Variants in FASN observed in about 807,000 individuals in gnomAD.
FASN encodes 3-hydroxyacyl-[acyl-carrier-protein] dehydratase.
Under a neutral mutation model 250.0 loss-of-function variants are expected in FASN, and 50 were observed. That is an observed-to-expected ratio of 0.20 (90% confidence interval 0.16 to 0.25). The LOEUF (loss-of-function observed/expected upper bound fraction) is 0.25, where lower values mean the gene tolerates loss of function less well. Ranked by LOEUF, FASN falls within the 10% of genes least tolerant of loss-of-function variation. The pLI is 1.00. For synonymous variants in FASN, 1,909 were observed against 1,584.0 expected (o/e 1.21, Z -4.87); for missense variants, 3,031 against 3,498.5 (o/e 0.87, Z 3.37).
Position 82,094,021 on chromosome 17 carries a change from G to A in FASN, c.281-250C>T, listed in dbSNP as rs904138248. On this transcript the variant is annotated intron_variant, in intron 3 of 42. Transcript: ENST00000306749. The stretch of plus-strand genomic sequence containing the variant: ...ACAGGAACCAGGTCACAGAGGGAAC[G>A]AGGCGGAGGGGGCAGGCGGGCCCAG... 60 of 579,988 alleles carry A rather than the reference G, an allele frequency of 1.0e-4. No individual in the cohort carries two copies. In the East Asian group the frequency reaches 1.5e-3, roughly 15 times the overall value. The allele number at this position is 579,988 out of a possible 1,614,324, so 35.9% of individuals were successfully genotyped here. A position where few individuals can be genotyped will look rare whatever the true frequency, so the allele number is the denominator to read the frequency against.
rs764668630 is a variant in FASN at position 82,081,577 on chromosome 17, G to A, written c.6406+24C>T. On this transcript the variant is annotated intron_variant, in intron 37 of 42. Transcript: ENST00000306749. ...GATGCCAGCAGGGGAAACACCTGGC[G>A]CGGCTCCTACTGGGAGTGCTCACCC... 26 of 1,610,908 alleles carry A rather than the reference G, an allele frequency of 1.6e-5. No homozygotes were observed. The Admixed American group carries it at 3.2e-4, about 20-fold the overall frequency.
In FASN at chr17:82,081,144, G is replaced by T; in HGVS notation, c.6595+20C>A. 6.4e-6 allele frequency: 10 copies of T among 1,563,862 alleles called. No individual in the cohort carries two copies. Among genetic ancestry groups the T allele is most frequent in the Non-Finnish European group, 8.6e-6 (10 of 1,156,350 alleles). The stretch of plus-strand genomic sequence containing the variant: ...GGGGAGGCCCGGGGACCCCACTCCC[G>T]CCTGGCCACCCACACGCACCGCTGG... On this transcript the variant is annotated intron_variant, in intron 38 of 42. Coordinates refer to ENST00000306749, the MANE Select transcript of FASN (RefSeq NM_004104.5).
rs1473167770 is a variant in FASN, at chr17:82,083,078, G to A, written c.5603C>T (p.Ala1868Val). 2 of 1,611,370 alleles carry A rather than the reference G, an allele frequency of 1.2e-6. No individual in the cohort carries two copies. Among genetic ancestry groups the A allele is most frequent in the Admixed American group, 1.7e-5 (1 of 59,986 alleles). ...AEEPEAVLKGAKPKLMSAISK... is the reference protein window; with the variant it reads ...AEEPEAVLKGVKPKLMSAISK... ...GATGGCCGACATCAGCTTGGGTTTG[G>A]CCCCCTTCAGCACTGCCTCCGGCTC... is the stretch of plus-strand genomic sequence containing the variant. The change falls in exon 33 of 43, where the codon GCC becomes GTC. Residue 1868 changes from alanine (A) to valine (V), a missense_variant. Transcript: ENST00000306749.
intron 3 of FASN, among the ~76,000 whole-genome samples, chr17:82,094,650 G>A (rs1172767140): frequency 2.0e-5 from 3 of 151,678 alleles, no homozygotes; most frequent in South Asian, 2.1e-4. Context: ...TTAGCCGGGC[G>A]TGGTGGTGGG....
Position 82,087,397 on chromosome 17 carries a change from G to T in FASN, c.3151C>A (p.Arg1051Ser), listed in dbSNP as rs758645177. Residue 1051 changes from arginine (R) to serine (S), a missense_variant, in exon 20 of 43, where the codon CGT (arginine) becomes AGT (serine). Physicochemically the swap from Arg to Ser is moderately radical, Grantham distance 110 (BLOSUM62 -1). Coordinates refer to ENST00000306749, the MANE Select transcript of FASN (RefSeq NM_004104.5). Reference sequence around the variant, plus strand: ...GGGTCGATGTGGATGGCGGTGACACGGGTGGGCAGGTACAGGCCGTGCTTG... The same window carrying T: ...GGGTCGATGTGGATGGCGGTGACACTGGTGGGCAGGTACAGGCCGTGCTTG... The part of the protein sequence containing the change: ...SAKHGLYLPT[R>S]VTAIHIDPAT... The T allele has an allele frequency of 1.2e-6, 2 of 1,612,654 alleles. No homozygotes were observed. Among genetic ancestry groups the T allele is most frequent in the Non-Finnish European group, 1.7e-6 (2 of 1,179,994 alleles).
chr17:82,081,484 C>G lies in FASN; in HGVS notation c.6406+117G>C, dbSNP rs1192688457. 1.7e-5 allele frequency: 27 copies of G among 1,584,622 alleles called. No individual in the cohort carries two copies. In the South Asian group the frequency reaches 2.9e-4, roughly 17 times the overall value. ...CCACCACCACAGTGACACCTGCGCC[C>G]GCACCCTGGCTCTGCAGATGGGGAA... On this transcript the variant is annotated intron_variant, in intron 37 of 42. Coordinates refer to ENST00000306749, the MANE Select transcript of FASN (RefSeq NM_004104.5).
At chr17:82,079,689 T>G in intron 41 of FASN, 81 bp from the exon 42 acceptor site, 1 of 1,507,702 alleles carries the variant, frequency 6.6e-7, no homozygotes, top group Non-Finnish European at 8.8e-7. Flanking sequence ...GTGGGCTTTT[T>G]TTTTTTGAGA....
At chr17:82,090,115 G>A (rs1387308651) in intron 11 of FASN, among the ~76,000 whole-genome samples, 1 of 152,232 alleles carries the variant, frequency 6.6e-6, no homozygotes, top group African/African-American at 2.4e-5. Flanking sequence ...TTGCTATGCT[G>A]CAGCTGTGTG....
In FASN at chr17:82,078,437, AC is replaced by A. The variant is rs2033929549; in HGVS notation, c.*705del. ...GGTCCAGACGTGTACACTGACAGTT[AC>A]AGTAAATTTCAAAATCCAAGCAGCA... On this transcript the variant is annotated 3_prime_UTR_variant, in exon 43 of 43. Transcript: ENST00000306749. The surrounding 1 kb of genome is among the most constrained non-coding windows in gnomAD (Gnocchi z 5.4). The A allele has an allele frequency of 6.5e-6, 1 of 153,636 alleles. No individual in the cohort carries two copies. Among genetic ancestry groups the A allele is most frequent in the African/African-American group, 2.4e-5 (1 of 41,472 alleles). 9.5% of individuals were successfully genotyped at this position (153,636 alleles called of 1,614,324 possible).
chr17:82,085,304 G>C lies in FASN; in HGVS notation c.4221C>G (p.Thr1407=). The change falls in exon 24 of 43, where the codon ACC becomes ACG. Residue 1407 remains threonine (T), a synonymous_variant. Transcript: ENST00000306749. ...GSTLFLCRRP[T]PQDSPIFLPV... ...GCAGGAAGATGGGGCTGTCCTGCGG[G>C]GTGGGCCGGCGGCACAGGAAGAGCG... 1 of 1,611,422 alleles carries C rather than the reference G, an allele frequency of 6.2e-7. No homozygotes were observed. The highest frequency in any genetic ancestry group is 8.5e-7 in the Non-Finnish European group (1 of 1,179,494).
At chr17:82,092,429 G>A (rs748080225) in intron 8 of FASN, 26 bp downstream of exon 8, 22 of 1,554,992 alleles carry the variant, frequency 1.4e-5, no homozygotes, top group East Asian at 4.8e-5. Context: ...GGAGCCTGAG[G>A]GACCCCCAAG....
chr17:82,088,206 G>A lies in FASN; in HGVS notation c.2695C>T (p.Leu899=), dbSNP rs967511380. The A allele has an allele frequency of 2.5e-6, 4 of 1,611,894 alleles. No homozygotes were observed. Among genetic ancestry groups the A allele is most frequent in the Non-Finnish European group, 3.4e-6 (4 of 1,180,004 alleles). The change falls in exon 17 of 43, where the codon CTG becomes TTG. Residue 899 remains leucine (L), a synonymous_variant. Coordinates refer to ENST00000306749, the MANE Select transcript of FASN (RefSeq NM_004104.5). ...ACGCCCAGGCCCAGGGCGCGGGCCA[G>A]CGTCTTCCACACTATGCTCAGGTAG... The part of the protein sequence containing the change: ...TGYLSIVWKT[L]ARALGLGVEQ...
Position 82,084,135 on chromosome 17 carries a change from G to C in FASN, c.4938C>G (p.Ala1646=). Residue 1646 remains alanine, a synonymous_variant, in exon 29 of 43, where the codon GCC becomes GCG. Coordinates refer to ENST00000306749, the MANE Select transcript of FASN (RefSeq NM_004104.5). ...CCGTGCTGTAGACGACAGGCACCGA[G>C]GCCGCCTCCTCCAGCGTCCTGGGGA... ...VPSNWTLEEA[A]SVPVVYSTAY... 1 of 1,591,116 alleles carries C rather than the reference G, an allele frequency of 6.3e-7. No individual in the cohort carries two copies. The highest frequency in any genetic ancestry group is 1.1e-5 in the South Asian group (1 of 88,014).
Position 82,089,231 on chromosome 17 carries a change from C to G in FASN, c.2100+19G>C, listed in dbSNP as rs1269591660. On this transcript the variant is annotated intron_variant, in intron 13 of 42. Transcript: ENST00000306749. ...GGTCCCCTGGCCCGCCCCGCACCCC[C>G]CAGGCCGTATTAGTCCACCTTCTTG... The G allele has an allele frequency of 3.7e-6, 6 of 1,611,730 alleles. No individual in the cohort carries two copies. Among genetic ancestry groups the G allele is most frequent in the Non-Finnish European group, 4.2e-6 (5 of 1,179,554 alleles).
chr17:82,089,358 C>T lies in FASN; in HGVS notation c.1992G>A (p.Gln664=), dbSNP rs369549203. The change falls in exon 13 of 43, where the codon CAG becomes CAA. Residue 664 remains glutamine (Q), a synonymous_variant. Transcript: ENST00000306749. The part of the protein sequence containing the change: ...PQAPVFEFVE[Q]LRKEGVFAKE... The stretch of plus-strand genomic sequence containing the variant: ...TGGCAAACACACCCTCCTTCCTCAG[C>T]TGCTCCACGAACTCAAACACCGGGG... 20 of 1,612,854 alleles carry T rather than the reference C, an allele frequency of 1.2e-5. No individual in the cohort carries two copies. The highest frequency in any genetic ancestry group is 1.7e-5 in the Non-Finnish European group (20 of 1,180,008).
intron 11 of FASN, 97 bp downstream of exon 11, chr17:82,090,278 T>A (rs2034178859): frequency 1.6e-6 from 2 of 1,278,838 alleles, no homozygotes; most frequent in Admixed American, 2.2e-5. Flanking sequence ...GGCCACTCTA[T>A]CCTACGGGGG....
rs373243965 is a variant in FASN, at chr17:82,093,246, C to T, written c.628G>A (p.Gly210Ser). ...FLRLGMLSPE[G>S]TCKAFDTAGN... is the part of the protein sequence containing the mutation. ...GCTGTGTCGAAGGCCTTGCAGGTGCCCTCGGGGCTGAGCATCCCCAGCCTC... is the reference window on the plus strand; with the variant it reads ...GCTGTGTCGAAGGCCTTGCAGGTGCTCTCGGGGCTGAGCATCCCCAGCCTC... The change falls in exon 5 of 43, where the codon GGC (glycine) becomes AGC (serine). Residue 210 changes from glycine (G) to serine (S), a missense_variant. Physicochemically the swap from Gly to Ser is moderately conservative, Grantham distance 56. Transcript: ENST00000306749. The T allele has an allele frequency of 4.0e-5, 63 of 1,589,740 alleles. No individual in the cohort carries two copies. The highest frequency in any genetic ancestry group is 5.0e-5 in the Non-Finnish European group (58 of 1,169,140).
chr17:82,084,486 A>G (rs754651294), intron 27 of FASN, 27 bp downstream of exon 27: 1 of 1,595,542 alleles, frequency 6.3e-7, no homozygotes, highest in Non-Finnish European at 8.5e-7. Flanking sequence ...GGCCCAGTCC[A>G]CTCCCACGGC....
Position 82,082,393 on chromosome 17 carries a change from C to G in FASN, c.5941G>C (p.Glu1981Gln), listed in dbSNP as rs1190770923. ...TGGAAGAACTCTGGGGTCTGGTTCT[C>G]CAGCAAGCCATCTCTCAAGACCTGG... ...LAVVLRDGLL[E>Q]NQTPEFFQDV... The change falls in exon 35 of 43, where the codon GAG becomes CAG. Residue 1981 changes from glutamate to glutamine, a missense_variant. By Grantham distance (29) the Glu-to-Gln change is conservative. Transcript: ENST00000306749. 1 of 1,612,852 alleles carries G rather than the reference C, an allele frequency of 6.2e-7. No individual in the cohort carries two copies. The highest frequency in any genetic ancestry group is 2.2e-5 in the East Asian group (1 of 44,886).
Sources: allele counts gnomAD v4.1 joint callset (sites outside exome capture counted in the v4.1 genomes callset), GRCh38; gene constraint gnomAD v4.1.1; non-coding constraint Gnocchi (gnomAD v3.1); transcripts MANE v1.5; gene names NCBI Gene and HGNC (gene_info 2026-07-23, HGNC 2026-07-21).